NFE2L3: variants seen among roughly 807,000 people sequenced by gnomAD.
NFE2L3 encodes the protein nuclear factor erythroid 2-related factor 3.
A neutral mutation model predicts 23.5 loss-of-function variants in NFE2L3; 18 were observed. That is an observed-to-expected ratio of 0.77 (90% CI 0.53 to 1.13). The LOEUF (loss-of-function observed/expected upper bound fraction) is 1.13, where lower values mean the gene tolerates loss of function less well. Among genes scored for constraint, NFE2L3 ranks in the 50% most tolerant of loss-of-function variants. NFE2L3 has a pLI of 0.00. For missense variants in NFE2L3, 1,152 were observed against 877.2 expected, an observed-to-expected ratio of 1.31 and a Z score of -3.96; for synonymous variants, 424 against 354.5, an observed-to-expected ratio of 1.20 and a Z score of -2.20.
At position 26,152,571 on chromosome 7, in the gene NFE2L3, G is replaced by A. The variant is rs1389427561; in HGVS notation, c.73G>A (p.Gly25Arg). 4 of 1,531,124 alleles carry A rather than the reference G, an allele frequency of 2.6e-6. No homozygotes were observed. The highest frequency in any genetic ancestry group is 1.4e-5 in the African/African-American group (1 of 70,296). The allele number at this position is 1,531,124 out of a possible 1,614,324, so 94.8% of individuals were successfully genotyped here. ...LHLTLLLSLA[G>R]LRVDLDLYLL... ...CCTCACCCTCCTGCTGAGCTTGGCG[G>A]GGCTCCGCGTAGACCTAGATCTTTA... The change falls in exon 1 of 4, where the codon GGG (glycine) becomes AGG (arginine). Residue 25 changes from glycine to arginine, a missense_variant. Transcript: ENST00000056233. This position sits in a 1 kb window ranked among gnomAD's most constrained non-coding sequence, Gnocchi z 4.4.
In NFE2L3 at chr7:26,185,686, C is replaced by T. The variant is rs1415897343; in HGVS notation, c.1988C>T (p.Ala663Val). 1.2e-6 allele frequency: 2 copies of T among 1,613,824 alleles called. No individual in the cohort carries two copies. The highest frequency in any genetic ancestry group is 1.1e-5 in the South Asian group (1 of 91,068). The change falls in exon 4 of 4, where the codon GCT (alanine) becomes GTT (valine). Residue 663 changes from alanine to valine, a missense_variant. By Grantham distance (64) the Ala-to-Val change is moderately conservative. Coordinates refer to ENST00000056233, the MANE Select transcript of NFE2L3 (RefSeq NM_004289.7). ...QGRPVNPNHYALQCTHDGSIL... is the reference protein window; with the variant it reads ...QGRPVNPNHYVLQCTHDGSIL... Reference sequence around the variant, plus strand: ...AGGCCAGTCAATCCCAACCACTATGCTCTCCAGTGTACCCATGATGGAAGT... The same window carrying T: ...AGGCCAGTCAATCCCAACCACTATGTTCTCCAGTGTACCCATGATGGAAGT...
intron 1 of NFE2L3, chr7:26,174,635 C>G (rs994270975): frequency 1.3e-5 from 2 of 152,210 alleles, no homozygotes; most frequent in African/African-American, 4.8e-5. Context: ...ACCAAGTGGA[C>G]CAGCAGAACA....
intron 1 of NFE2L3, among the ~76,000 whole-genome samples, chr7:26,176,564 G>A (rs1223934026): frequency 2.4e-4 from 29 of 118,714 alleles, no homozygotes; most frequent in Non-Finnish European, 2.3e-4. Flanking sequence ...AGGCAGAGGC[G>A]CTCCTCACTT....
intron 1 of NFE2L3, among the ~76,000 whole-genome samples, chr7:26,161,976 C>G (rs1784179613): frequency 6.6e-6 from 1 of 151,994 alleles, no homozygotes; most frequent in African/African-American, 2.4e-5. Flanking sequence ...AACCCCGTCT[C>G]TACTAAAAAT....
Position 26,152,670 on chromosome 7 carries a change from G to C in NFE2L3, c.172G>C (p.Ala58Pro). 6.7e-7 allele frequency: 1 copy of C among 1,489,448 alleles called. No homozygotes were observed. The highest frequency in any genetic ancestry group is 2.8e-5 in the East Asian group (1 of 35,164). 92.3% of individuals were successfully genotyped at this position (1,489,448 alleles called of 1,614,324 possible). A position where few individuals can be genotyped will look rare whatever the true frequency, so the allele number is the denominator to read the frequency against. The change falls in exon 1 of 4, where the codon GCG becomes CCG. Residue 58 changes from alanine to proline, a missense_variant. Transcript: ENST00000056233. The surrounding 1 kb of genome is among the most constrained non-coding windows in gnomAD (Gnocchi z 4.4). The part of the protein sequence containing the change: ...FLGGPASSAY[A>P]LSPFSASGGW... ...GGGCGGCCCGGCCAGCTCCGCCTACGCGCTCAGCCCCTTCTCGGCCTCGGG... is the reference window on the plus strand; with the variant it reads ...GGGCGGCCCGGCCAGCTCCGCCTACCCGCTCAGCCCCTTCTCGGCCTCGGG...
chr7:26,179,369 G>A (rs769835731), intron 2 of NFE2L3, among the ~76,000 whole-genome samples: 2 of 152,074 alleles, frequency 1.3e-5, no homozygotes, highest in Non-Finnish European at 2.9e-5. Context: ...GTGTGGTGAT[G>A]TGTTCCTGTA....
At chr7:26,156,944 CTACTAAAAA>C (rs2128097214) in intron 1 of NFE2L3, among the ~76,000 whole-genome samples, 1 of 152,222 alleles carries the variant, frequency 6.6e-6, no homozygotes, top group African/African-American at 2.4e-5. Context: ...AACCCCGTCT[CTACTAAAAA>C]TACTAAAAAT....
At chr7:26,184,332 C>CTCGTGAGTCCAAA in intron 3 of NFE2L3, 2 of 532,580 alleles carry the variant, frequency 3.8e-6, no homozygotes, top group South Asian at 5.5e-5. Context: ...TTCTAGGTTA[C>CTCGTGAGTCCAAA]TCAGAATTCC....
At position 26,152,452 on chromosome 7, in the gene NFE2L3, C is replaced by A; in HGVS notation, c.-47C>A. 1 of 1,219,494 alleles carries A rather than the reference C, an allele frequency of 8.2e-7. No homozygotes were observed. Among genetic ancestry groups the A allele is most frequent in the Non-Finnish European group, 1.0e-6 (1 of 977,680 alleles). 75.5% of individuals were successfully genotyped at this position (1,219,494 alleles called of 1,614,324 possible). On this transcript the variant is annotated 5_prime_UTR_variant, in exon 1 of 4. Transcript: ENST00000056233. The surrounding 1 kb of genome is among the most constrained non-coding windows in gnomAD (Gnocchi z 4.4). Reference sequence around the variant, plus strand: ...CGTGTCACCCCGGCGGCTGGGGCGCCGGGACCCGCGGGCGCCGGCAGGGGC... The same window carrying A: ...CGTGTCACCCCGGCGGCTGGGGCGCAGGGACCCGCGGGCGCCGGCAGGGGC...
chr7:26,169,931 C>G (rs1784311453), intron 1 of NFE2L3, among the ~76,000 whole-genome samples: 1 of 149,648 alleles, frequency 6.7e-6, no homozygotes, highest in Non-Finnish European at 1.5e-5. Flanking sequence ...GACCCCGTCT[C>G]TACCAAAAAA....
At chr7:26,182,406 C>G (rs1264645640) in intron 2 of NFE2L3, among the ~76,000 whole-genome samples, 1 of 144,588 alleles carries the variant, frequency 6.9e-6, no homozygotes, top group African/African-American at 2.9e-5. Context: ...GGTGGATCAC[C>G]TGTGGTCAGT....
At chr7:26,182,523 C>CT (rs1387365977) in intron 2 of NFE2L3, among the ~76,000 whole-genome samples, 2 of 152,158 alleles carry the variant, frequency 1.3e-5, no homozygotes, top group African/African-American at 2.4e-5. Context: ...ATTCGGGAGG[C>CT]TGACACACAA....
intron 1 of NFE2L3, among the ~76,000 whole-genome samples, chr7:26,171,070 A>AT (rs1251503749): frequency 3.3e-5 from 5 of 152,178 alleles, no homozygotes; most frequent in Non-Finnish European, 7.3e-5. Context: ...AGGAATTATA[A>AT]TTGGCACAAA....
intron 2 of NFE2L3, among the ~76,000 whole-genome samples, chr7:26,182,025 T>TCCCA (rs1784523064): frequency 6.6e-6 from 1 of 152,042 alleles, no homozygotes; most frequent in South Asian, 2.1e-4. Context: ...CTATAAAATA[T>TCCCA]GAAAGATAAG....
intron 2 of NFE2L3, 75 bp from the exon 3 acceptor site, chr7:26,183,626 T>A: frequency 1.1e-6 from 1 of 879,300 alleles, no homozygotes; most frequent in Non-Finnish European, 1.9e-6. Flanking sequence ...CTGGTGATCC[T>A]TTAAAGATAA....
chr7:26,184,204 A>G, intron 3 of NFE2L3: 1 of 346,408 alleles, frequency 2.9e-6, no homozygotes, highest in Admixed American at 4.6e-5. Context: ...GACCCTCCAC[A>G]ATGTGATTAC....
Position 26,185,729 on chromosome 7 carries a change from A to G in NFE2L3, c.2031A>G (p.Lys677=). Reference sequence around the variant, plus strand: ...ATGGAAGTATCTTGATAGTACCCAAAGAACTGGTGGCCTCAGGCCACAAAA... The same window carrying G: ...ATGGAAGTATCTTGATAGTACCCAAGGAACTGGTGGCCTCAGGCCACAAAA... ...THDGSILIVP[K]ELVASGHKKE... is the part of the protein sequence containing the mutation. Residue 677 remains lysine, a synonymous_variant, in exon 4 of 4, where the codon AAA becomes AAG. Transcript: ENST00000056233. The G allele has an allele frequency of 5.0e-6, 8 of 1,606,076 alleles. No homozygotes were observed. The highest frequency in any genetic ancestry group is 1.3e-5 in the African/African-American group (1 of 74,560).
rs1445533518 is a variant in NFE2L3 at position 26,184,532 on chromosome 7, G to A, written c.835-1G>A. On this transcript the variant is annotated splice_acceptor_variant, in intron 3 of 3. Transcript: ENST00000056233. LOFTEE classifies it high-confidence loss of function. The stretch of plus-strand genomic sequence containing the variant: ...TGAAGTGTTTCTCCTTCGTTTTTCA[G>A]GGCATCTCATTGGGAGATATTCCTC... 1 of 1,601,950 alleles carries A rather than the reference G, an allele frequency of 6.2e-7. No individual in the cohort carries two copies.
chr7:26,157,489 A>G (rs889392695), intron 1 of NFE2L3, among the ~76,000 whole-genome samples: 3 of 152,128 alleles, frequency 2.0e-5, no homozygotes, highest in African/African-American at 7.2e-5. Flanking sequence ...AAGGTCCTTG[A>G]TTGTTAAAGT....
Sources: allele counts gnomAD v4.1 joint callset (sites outside exome capture counted in the v4.1 genomes callset), GRCh38; gene constraint gnomAD v4.1.1; non-coding constraint Gnocchi (gnomAD v3.1); transcripts MANE v1.5; gene names NCBI Gene and HGNC (gene_info 2026-07-23, HGNC 2026-07-21).